The following PLLP variants were observed in gnomAD, a reference collection of about 807,000 sequenced individuals.
The protein encoded by PLLP is plasma membrane proteolipid (plasmolipin).
In PLLP, 15 loss-of-function variants were observed where a neutral mutation model predicts 19.7. That is an observed-to-expected ratio of 0.76 (90% CI 0.51 to 1.17). The LOEUF is 1.17. Ranked by LOEUF, PLLP falls within the 50% of genes most tolerant of loss-of-function variation. The pLI, the probability that PLLP is intolerant of heterozygous loss-of-function variation, is 0.00. For missense variants in PLLP, 255 were observed against 258.3 expected (o/e 0.99, Z 0.09); for synonymous variants, 111 against 116.3 (o/e 0.95, Z 0.29).
chr16:57,272,090 A>G (rs1296690715), intron 1 of PLLP, among the ~76,000 whole-genome samples: 1 of 152,134 alleles, frequency 6.6e-6, no homozygotes, highest in African/African-American at 2.4e-5. Flanking sequence ...CTACCCTGCC[A>G]GGCCCCCGCC....
In PLLP at chr16:57,284,487, G is replaced by GCAGGAC; in HGVS notation, c.53_54insGTCCTG (p.Gly18_Ala19insSerCys). On this transcript the variant is annotated inframe_insertion, in exon 1 of 4. Transcript: ENST00000219207. Reference sequence around the variant, plus strand: ...GCAGCGCCGACACCGAGGCTTCGGCGCCCTGCGCAGGACTGCTGGTCCGCG... The same window carrying GCAGGAC: ...GCAGCGCCGACACCGAGGCTTCGGCGCAGGACCCCTGCGCAGGACTGCTGGTCCGCG... 1 of 1,441,032 alleles carries GCAGGAC rather than the reference G, an allele frequency of 6.9e-7. No homozygotes were observed. The highest frequency in any genetic ancestry group is 9.2e-7 in the Non-Finnish European group (1 of 1,091,822). 89.3% of individuals were successfully genotyped at this position (1,441,032 alleles called of 1,614,324 possible).
chr16:57,271,595 A>T (rs2075476103), intron 1 of PLLP, among the ~76,000 whole-genome samples: 2 of 152,142 alleles, frequency 1.3e-5, no homozygotes, highest in Middle Eastern at 3.2e-3. Flanking sequence ...CAGTGAGCCA[A>T]GATGGCACCA....
chr16:57,266,994 A>G (rs772286267), intron 1 of PLLP, among the ~76,000 whole-genome samples: 2 of 151,852 alleles, frequency 1.3e-5, no homozygotes, highest in Non-Finnish European at 2.9e-5. Flanking sequence ...ACAATTGGGT[A>G]ACGAAGAGAT....
intron 1 of PLLP, among the ~76,000 whole-genome samples, chr16:57,275,375 ATAT>A (rs755264178): frequency 9.2e-5 from 14 of 152,190 alleles, no homozygotes; most frequent in Admixed American, 1.3e-4. Flanking sequence ...GAACTTGTAT[ATAT>A]CACATATATA....
intron 1 of PLLP, among the ~76,000 whole-genome samples, chr16:57,272,437 T>TC (rs1371790479): frequency 2.6e-5 from 4 of 152,170 alleles, no homozygotes; most frequent in Non-Finnish European, 5.9e-5. Flanking sequence ...GGCCACCTCA[T>TC]CCTTCCATCG....
At chr16:57,258,435 C>T (rs769837487) in intron 3 of PLLP, 27 bp downstream of exon 3, 4 of 1,603,976 alleles carry the variant, frequency 2.5e-6, no homozygotes, top group Non-Finnish European at 3.4e-6. Flanking sequence ...CTGCAGACCA[C>T]CAAGGGAGCC....
Position 57,284,545 on chromosome 16 carries a change from G to C in PLLP, c.-5C>G. 7.4e-7 allele frequency: 1 copy of C among 1,351,486 alleles called. No individual in the cohort carries two copies. Among genetic ancestry groups the C allele is most frequent in the Non-Finnish European group, 9.6e-7 (1 of 1,043,472 alleles). The allele number at this position is 1,351,486 out of a possible 1,614,324, so 83.7% of individuals were successfully genotyped here. A position where few individuals can be genotyped will look rare whatever the true frequency, so the allele number is the denominator to read the frequency against. Reference sequence around the variant, plus strand: ...TTTCGACGGGAACTCGGCCATGGCGGCTCCGCTTGCCTCCCGAGGTCGCTA... The same window carrying C: ...TTTCGACGGGAACTCGGCCATGGCGCCTCCGCTTGCCTCCCGAGGTCGCTA... On this transcript the variant is annotated 5_prime_UTR_variant, in exon 1 of 4. Coordinates refer to ENST00000219207, the MANE Select transcript of PLLP (RefSeq NM_015993.3).
chr16:57,284,586 C>T lies in PLLP; in HGVS notation c.-46G>A. ...GAGGTCGCTACGGCCGCCGTCGCCGCCCCTCCAGCGGTGGGTGCCGGCTCC... is the reference window on the plus strand; with the variant it reads ...GAGGTCGCTACGGCCGCCGTCGCCGTCCCTCCAGCGGTGGGTGCCGGCTCC... On this transcript the variant is annotated 5_prime_UTR_variant, in exon 1 of 4. Coordinates refer to ENST00000219207, the MANE Select transcript of PLLP (RefSeq NM_015993.3). 7.6e-7 allele frequency: 1 copy of T among 1,314,918 alleles called. No homozygotes were observed. Among genetic ancestry groups the T allele is most frequent in the Non-Finnish European group, 9.7e-7 (1 of 1,026,744 alleles). The allele number at this position is 1,314,918 out of a possible 1,614,324, so 81.5% of individuals were successfully genotyped here.
intron 1 of PLLP, among the ~76,000 whole-genome samples, chr16:57,270,121 G>T (rs1014175028): frequency 6.6e-6 from 1 of 152,110 alleles, no homozygotes; most frequent in Admixed American, 6.5e-5. Context: ...TAGAAACAAC[G>T]TAACGGCCAA....
At chr16:57,264,139 G>A (rs1474937782) in intron 1 of PLLP, among the ~76,000 whole-genome samples, 1 of 152,086 alleles carries the variant, frequency 6.6e-6, no homozygotes, top group African/African-American at 2.4e-5. Flanking sequence ...ACCTCGTCGA[G>A]GACCAGAAGG....
chr16:57,280,793 T>A (rs1376690137), intron 1 of PLLP, among the ~76,000 whole-genome samples: 1 of 152,216 alleles, frequency 6.6e-6, no homozygotes, highest in Admixed American at 6.5e-5. Flanking sequence ...TGGTGTTCTT[T>A]CTGAATCTAC....
At position 57,268,715 on chromosome 16, in the gene PLLP, T is replaced by G. The variant is rs138927946; in HGVS notation, c.136-6645A>C. Among the ~76,000 whole-genome samples the G allele has an allele frequency of 2.0e-3, 301 of 152,290 alleles. 1 individual carries two copies. The highest frequency in any genetic ancestry group is 6.8e-3 in the African/African-American group (284 of 41,554). On this transcript the variant is annotated intron_variant, in intron 1 of 3. Coordinates refer to ENST00000219207, the MANE Select transcript of PLLP (RefSeq NM_015993.3). ...GTTGCCCAGGCTAGTCTAGAACTCCTAGGCTTAACTGATCCTCCTGCCTGG... is the reference window on the plus strand; with the variant it reads ...GTTGCCCAGGCTAGTCTAGAACTCCGAGGCTTAACTGATCCTCCTGCCTGG...
intron 1 of PLLP, among the ~76,000 whole-genome samples, chr16:57,274,937 A>C (rs1368854128): frequency 6.7e-6 from 1 of 149,446 alleles, no homozygotes; most frequent in African/African-American, 2.5e-5. Flanking sequence ...AATTTTTTGT[A>C]TTTTTAGTAG....
At chr16:57,259,570 G>A (rs1181595151) in intron 2 of PLLP, among the ~76,000 whole-genome samples, 5 of 152,256 alleles carry the variant, frequency 3.3e-5, no homozygotes, top group African/African-American at 4.8e-5. Context: ...GTCTTCAAAC[G>A]CCTGGTCCTC....
intron 2 of PLLP, among the ~76,000 whole-genome samples, chr16:57,260,828 G>T (rs1401949989): frequency 2.6e-5 from 4 of 152,206 alleles, no homozygotes; most frequent in Non-Finnish European, 5.9e-5. Context: ...GGCCTCACCT[G>T]CAGGCAGCCA....
At chr16:57,284,057 G>A (rs1205314118) in intron 1 of PLLP, among the ~76,000 whole-genome samples, 4 of 152,154 alleles carry the variant, frequency 2.6e-5, no homozygotes, top group Non-Finnish European at 5.9e-5. Context: ...AAGGGTTGGC[G>A]GGTTGTGCGC....
Position 57,261,901 on chromosome 16 carries a change from A to G in PLLP, c.305T>C (p.Leu102Pro), listed in dbSNP as rs765916712. Residue 102 changes from leucine to proline, a missense_variant, in exon 2 of 4, where the codon CTG becomes CCG. By Grantham distance (98) the Leu-to-Pro change is moderately conservative. Transcript: ENST00000219207. ...AGTACCCCCACCCAGACTCACCACC[A>G]GTGGCCAGGGAACCATGTACAACTT... ...HMKLYMVPWP[L>P]VLMIFNISAT... is the part of the protein sequence containing the mutation. 6.2e-7 allele frequency: 1 copy of G among 1,613,776 alleles called. No individual in the cohort carries two copies. Among genetic ancestry groups the G allele is most frequent in the Non-Finnish European group, 8.5e-7 (1 of 1,179,702 alleles).
intron 1 of PLLP, among the ~76,000 whole-genome samples, chr16:57,264,489 C>T (rs2075451062): frequency 6.6e-6 from 1 of 152,240 alleles, no homozygotes; most frequent in Non-Finnish European, 1.5e-5. Context: ...ACTAACAATC[C>T]TATTTCTTCA....
intron 1 of PLLP, among the ~76,000 whole-genome samples, chr16:57,280,336 C>G (rs1203247091): frequency 6.6e-6 from 1 of 152,168 alleles, no homozygotes; most frequent in Non-Finnish European, 1.5e-5. Flanking sequence ...CTTCTCCCCA[C>G]GGCTTGGGGA....
Sources: allele counts gnomAD v4.1 joint callset (sites outside exome capture counted in the v4.1 genomes callset), GRCh38; gene constraint gnomAD v4.1.1; transcripts MANE v1.5; gene names NCBI Gene and HGNC (gene_info 2026-07-23, HGNC 2026-07-21).